Variants in KDM4C observed in about 807,000 individuals in gnomAD.
KDM4C encodes the protein lysine-specific demethylase 4C.
KDM4C carries 81 observed loss-of-function variants against 129.3 expected under a neutral mutation model. The observed-to-expected ratio is 0.63, with a 90% CI of 0.52 to 0.75. The LOEUF is 0.75. Ranked by LOEUF, KDM4C falls within the 30% of genes least tolerant of loss-of-function variation. The pLI is 0.00. For synonymous variants in KDM4C, 573 were observed against 456.1 expected, an observed-to-expected ratio of 1.26 and a Z score of -3.26; for missense variants, 1,457 against 1,304.0, an observed-to-expected ratio of 1.12 and a Z score of -1.81.
chr9:7,102,511 A>C (rs1837215623), intron 17 of KDM4C, among the ~76,000 whole-genome samples: 1 of 152,116 alleles, frequency 6.6e-6, no homozygotes, highest in Non-Finnish European at 1.5e-5. Flanking sequence ...ATGCTGGGCA[A>C]GACACCGTGG....
intron 3 of KDM4C, among the ~76,000 whole-genome samples, chr9:6,808,263 T>G (rs1262480551): frequency 1.5e-5 from 1 of 67,984 alleles, no homozygotes; most frequent in African/African-American, 9.1e-5. Context: ...GCGGGAAAGG[T>G]GGGGAAAAGA....
At chr9:6,905,384 C>T (rs909145274) in intron 8 of KDM4C, among the ~76,000 whole-genome samples, 1 of 152,062 alleles carries the variant, frequency 6.6e-6, no homozygotes, top group Admixed American at 6.5e-5. Flanking sequence ...GTTGATTGTC[C>T]TGAAATGTCT....
chr9:6,769,992 C>A (rs899164835), intron 1 of KDM4C, among the ~76,000 whole-genome samples: 12 of 151,976 alleles, frequency 7.9e-5, no homozygotes, highest in African/African-American at 2.7e-4. Context: ...ACCAGCCTGG[C>A]CTACATGAGG....
chr9:6,979,305 A>G (rs990910474), intron 8 of KDM4C, among the ~76,000 whole-genome samples: 1 of 152,226 alleles, frequency 6.6e-6, no homozygotes, highest in African/African-American at 2.4e-5. Context: ...AGTGGTGCAG[A>G]TAAATAGTAT....
chr9:6,880,886 G>T (rs772562273), intron 6 of KDM4C, among the ~76,000 whole-genome samples: 1 of 152,102 alleles, frequency 6.6e-6, no homozygotes. Context: ...CTTATCTTCT[G>T]TTTTGCTAGC....
Position 7,071,538 on chromosome 9 carries a change from T to C in KDM4C, c.2424+22338T>C, listed in dbSNP as rs544579305. On this transcript the variant is annotated intron_variant, in intron 17 of 21. Coordinates refer to ENST00000381309, the MANE Select transcript of KDM4C (RefSeq NM_015061.6). ...AAGTTCCAAGGCAATTAGTTTGTTA[T>C]TTAAGTGATGTTGGAAAAATTTGGA... Among the ~76,000 whole-genome samples, 3 of 152,296 alleles carry C rather than the reference T, an allele frequency of 2.0e-5. No individual in the cohort carries two copies. The South Asian group carries it at 6.2e-4, about 32-fold the overall frequency.
intron 1 of KDM4C, among the ~76,000 whole-genome samples, chr9:6,725,691 C>A (rs1394820165): frequency 1.9e-5 from 2 of 103,676 alleles, no homozygotes; most frequent in South Asian, 4.0e-4. Flanking sequence ...GGGTTTCTTT[C>A]TTTTCTTTTC....
At chr9:7,141,347 AAAAAC>A (rs201975138) in intron 19 of KDM4C, among the ~76,000 whole-genome samples, 2 of 152,144 alleles carry the variant, frequency 1.3e-5, no homozygotes, top group Non-Finnish European at 2.9e-5. Flanking sequence ...ATAAAAGCCT[AAAAAC>A]AAAACAAAAC....
intron 18 of KDM4C, among the ~76,000 whole-genome samples, chr9:7,116,222 G>C (rs959196602): frequency 1.3e-5 from 2 of 152,066 alleles, no homozygotes; most frequent in Non-Finnish European, 2.9e-5. Flanking sequence ...CATTTTGTTT[G>C]TCCCTCGAGT....
intron 15 of KDM4C, among the ~76,000 whole-genome samples, chr9:7,019,733 T>C (rs542013866): frequency 8.3e-6 from 1 of 120,724 alleles, no homozygotes; most frequent in Non-Finnish European, 1.7e-5. Flanking sequence ...TATTTTTATA[T>C]ATAAAAATAT....
intron 21 of KDM4C, among the ~76,000 whole-genome samples, chr9:7,172,086 T>C (rs1357808788): frequency 6.6e-6 from 1 of 151,370 alleles, no homozygotes; most frequent in East Asian, 1.9e-4. Flanking sequence ...ACTATTTTTT[T>C]TCCAGTTGGC....
intron 16 of KDM4C, among the ~76,000 whole-genome samples, chr9:7,048,839 G>A (rs1190583183): frequency 6.6e-6 from 1 of 152,054 alleles, no homozygotes; most frequent in Non-Finnish European, 1.5e-5. Context: ...AGAAAAATAT[G>A]TGCACGTTAA....
At chr9:6,858,779 CAAAA>C (rs74638217) in intron 5 of KDM4C, among the ~76,000 whole-genome samples, 1 of 134,552 alleles carries the variant, frequency 7.4e-6, no homozygotes, top group African/African-American at 2.8e-5. Context: ...CCCCCCCCGG[CAAAA>C]AAAAAAAATT....
Position 7,174,544 on chromosome 9 carries a change from T to C in KDM4C, c.2995-9T>C, listed in dbSNP as rs1178457480. 6.2e-7 allele frequency: 1 copy of C among 1,613,572 alleles called. No homozygotes were observed. Among genetic ancestry groups the C allele is most frequent in the East Asian group, 2.2e-5 (1 of 44,900 alleles). On this transcript the variant is annotated splice_polypyrimidine_tract_variant and intron_variant, in intron 21 of 21. Coordinates refer to ENST00000381309, the MANE Select transcript of KDM4C (RefSeq NM_015061.6). ...TGCCCTTTTGCAATATAACACCAGC[T>C]GCTTTTAGTCCACAGCCTCTGACAT...
chr9:7,154,896 T>G (rs532468665), intron 19 of KDM4C, among the ~76,000 whole-genome samples: 2 of 152,260 alleles, frequency 1.3e-5, no homozygotes, highest in South Asian at 4.2e-4. Flanking sequence ...GGCAAACAGC[T>G]ATTTATGTTA....
chr9:7,037,529 C>A (rs1827862032), intron 15 of KDM4C, among the ~76,000 whole-genome samples: 1 of 152,102 alleles, frequency 6.6e-6, no homozygotes, highest in South Asian at 2.1e-4. Context: ...ATAAAGAAAT[C>A]ATTCCATGTT....
chr9:6,797,006 T>G (rs1268099803), intron 2 of KDM4C, among the ~76,000 whole-genome samples: 1 of 148,974 alleles, frequency 6.7e-6, no homozygotes, highest in East Asian at 2.0e-4. Flanking sequence ...TTTTTTTTTT[T>G]GAGACAGGGT....
chr9:6,811,735 A>G (rs918940711), intron 3 of KDM4C, among the ~76,000 whole-genome samples: 3 of 152,152 alleles, frequency 2.0e-5, no homozygotes, highest in South Asian at 2.1e-4. Context: ...ACTGAGTTCC[A>G]GAGAAATTCA....
intron 2 of KDM4C, among the ~76,000 whole-genome samples, chr9:6,794,836 C>G (rs1329836295): frequency 6.6e-6 from 1 of 152,100 alleles, no homozygotes; most frequent in Non-Finnish European, 1.5e-5. Flanking sequence ...ACTCATTGCA[C>G]ATTTGGATGC....
Sources: gnomAD v4.1 joint callset for allele counts (sites outside exome capture counted in the v4.1 genomes callset) on GRCh38, gnomAD v4.1.1 for gene constraint, MANE v1.5 for transcripts, NCBI Gene and HGNC (gene_info 2026-07-23, HGNC 2026-07-21) for gene names.